UST: variants seen among roughly 807,000 people sequenced by gnomAD.
UST encodes the protein uronyl 2-sulfotransferase.
UST carries 21 observed loss-of-function variants against 45.6 expected under a neutral mutation model. That is an observed-to-expected ratio of 0.46 (90% confidence interval 0.33 to 0.66). The LOEUF (loss-of-function observed/expected upper bound fraction) is 0.66. Among genes scored for constraint, UST ranks in the 30% least tolerant of loss-of-function variants. The pLI, the probability that UST is intolerant of heterozygous loss-of-function variation, is 0.02. For missense variants in UST, 463 were observed against 512.4 expected, an observed-to-expected ratio of 0.90 and a Z score of 0.93; for synonymous variants, 215 against 200.6, an observed-to-expected ratio of 1.07 and a Z score of -0.61.
chr6:148,747,947 C>G (rs1775906026), intron 1 of UST, among the ~76,000 whole-genome samples: 1 of 152,170 alleles, frequency 6.6e-6, no homozygotes, highest in African/African-American at 2.4e-5. Flanking sequence ...TCCCCCCGCC[C>G]CACCTCCGCC....
chr6:148,869,177 A>T (rs373461554), intron 1 of UST, among the ~76,000 whole-genome samples: 1 of 152,126 alleles, frequency 6.6e-6, no homozygotes, highest in East Asian at 1.9e-4. Context: ...ATGTTAAGGC[A>T]CCTATTTGTT....
At chr6:149,029,401 TA>T (rs902602884) in intron 7 of UST, among the ~76,000 whole-genome samples, 30 of 142,064 alleles carry the variant, frequency 2.1e-4, no homozygotes, top group Middle Eastern at 3.6e-3. Context: ...TTATATATTA[TA>T]TATAAAATAT....
chr6:148,952,811 G>C (rs1303559396), intron 3 of UST, among the ~76,000 whole-genome samples: 1 of 152,178 alleles, frequency 6.6e-6, no homozygotes, highest in East Asian at 1.9e-4. Flanking sequence ...AAGCTGCAAT[G>C]TGCTTTTAAA....
intron 5 of UST, among the ~76,000 whole-genome samples, chr6:149,010,427 G>T (rs1439732835): frequency 6.6e-6 from 1 of 152,142 alleles, no homozygotes; most frequent in Non-Finnish European, 1.5e-5. Flanking sequence ...GAAGTGCAGG[G>T]ATATTTCTGG....
Position 149,074,041 on chromosome 6 carries a change from A to G in UST, c.1146A>G (p.Pro382=). Residue 382 remains proline, a synonymous_variant, in exon 8 of 8, where the codon CCA becomes CCG. Coordinates refer to ENST00000367463, the MANE Select transcript of UST (RefSeq NM_005715.3). The stretch of plus-strand genomic sequence containing the variant: ...GGCCACACTTCTTTATCCCAACTCC[A>G]CTGGAAACCGAGGAGCCAATCGACG... The part of the protein sequence containing the change: ...PLRPHFFIPT[P]LETEEPIDDE... 1.9e-6 allele frequency: 3 copies of G among 1,614,184 alleles called. No individual in the cohort carries two copies. Among genetic ancestry groups the G allele is most frequent in the East Asian group, 2.2e-5 (1 of 44,886 alleles).
At chr6:148,898,441 C>T (rs1417591090) in intron 2 of UST, among the ~76,000 whole-genome samples, 2 of 152,078 alleles carry the variant, frequency 1.3e-5, no homozygotes, top group Non-Finnish European at 2.9e-5. Flanking sequence ...ATCCCGAAGT[C>T]GCCTGTATTC....
intron 1 of UST, among the ~76,000 whole-genome samples, chr6:148,851,560 T>A (rs975149582): frequency 6.6e-6 from 1 of 152,184 alleles, no homozygotes; most frequent in Non-Finnish European, 1.5e-5. Context: ...CAGATACAAC[T>A]GTTTGAGAAT....
intron 5 of UST, among the ~76,000 whole-genome samples, chr6:149,001,733 A>G (rs1328478614): frequency 6.6e-6 from 1 of 152,222 alleles, no homozygotes; most frequent in Non-Finnish European, 1.5e-5. Flanking sequence ...TTAAGGTACA[A>G]GGGCATAAAA....
intron 1 of UST, among the ~76,000 whole-genome samples, chr6:148,776,474 A>G (rs989565553): frequency 6.6e-6 from 1 of 152,226 alleles, no homozygotes; most frequent in Non-Finnish European, 1.5e-5. Flanking sequence ...GTGCAGAATC[A>G]TCTCATTCTT....
rs151038105 is a variant in UST, at chr6:149,071,125, C to T, written c.938-2708C>T. ...TATTGGCTATAGTCACCCTGTTGTG[C>T]TATCAAATAATAGGTCTTATTCATT... On this transcript the variant is annotated intron_variant, in intron 7 of 7. Transcript: ENST00000367463. 3.3e-5 allele frequency among the ~76,000 whole-genome samples: 5 copies of T among 152,260 alleles called. No individual in the cohort carries two copies. In the East Asian group the frequency reaches 9.6e-4, roughly 29 times the overall value.
At chr6:148,799,497 G>C (rs1307966742) in intron 1 of UST, among the ~76,000 whole-genome samples, 1 of 152,152 alleles carries the variant, frequency 6.6e-6, no homozygotes, top group Admixed American at 6.6e-5. Context: ...CGGCAACTGA[G>C]TGGTAAAACT....
chr6:149,053,906 A>G (rs1776525643), intron 7 of UST, among the ~76,000 whole-genome samples: 1 of 152,182 alleles, frequency 6.6e-6, no homozygotes, highest in South Asian at 2.1e-4. Context: ...TGGCACAAGT[A>G]TTGTCAGGTG....
intron 1 of UST, among the ~76,000 whole-genome samples, chr6:148,808,098 G>C (rs1777185549): frequency 6.6e-6 from 1 of 152,176 alleles, no homozygotes. Context: ...TCCAAGGACA[G>C]GCACCCTTGT....
At chr6:148,813,406 G>C (rs1374550483) in intron 1 of UST, among the ~76,000 whole-genome samples, 1 of 148,994 alleles carries the variant, frequency 6.7e-6, no homozygotes, top group East Asian at 2.0e-4. Context: ...TTTTGAGACA[G>C]AGTCTTGCTC....
intron 4 of UST, among the ~76,000 whole-genome samples, chr6:148,957,452 C>CT (rs1313957663): frequency 2.0e-5 from 3 of 152,078 alleles, no homozygotes; most frequent in African/African-American, 4.8e-5. Flanking sequence ...TTTGACATTA[C>CT]TTTTTTTTGA....
chr6:149,040,427 C>T (rs566249190), intron 7 of UST, among the ~76,000 whole-genome samples: 35 of 152,152 alleles, frequency 2.3e-4, no homozygotes, highest in African/African-American at 7.0e-4. Context: ...GGAGGCCGGG[C>T]GGGCGGATCA....
At chr6:148,966,958 G>A (rs113244842) in intron 5 of UST, among the ~76,000 whole-genome samples, 2,681 of 152,208 alleles carry the variant, frequency 0.018, 52 homozygotes, top group Middle Eastern at 0.078. Flanking sequence ...GGCTGGTCTC[G>A]AACTCCTGAC....
intron 1 of UST, among the ~76,000 whole-genome samples, chr6:148,801,071 T>C (rs183339323): frequency 6.6e-6 from 1 of 152,122 alleles, no homozygotes; most frequent in Non-Finnish European, 1.5e-5. Context: ...ATCAGTGAGG[T>C]TGATCAGGAG....
At chr6:148,854,360 A>G (rs9377167) in intron 1 of UST, among the ~76,000 whole-genome samples, 10,185 of 152,322 alleles carry the variant, frequency 0.067, 597 homozygotes, top group East Asian at 0.32. Context: ...TCAAGATGAT[A>G]AATTACATAC....
Sources: allele counts gnomAD v4.1 joint callset (sites outside exome capture counted in the v4.1 genomes callset), GRCh38; gene constraint gnomAD v4.1.1; transcripts MANE v1.5; gene names NCBI Gene and HGNC (gene_info 2026-07-23, HGNC 2026-07-21).